Variants in MEGF8 observed in about 807,000 individuals in gnomAD.
MEGF8 encodes multiple EGF like domains 8, also known as multiple epidermal growth factor-like domains protein 8.
Under a neutral mutation model 302.9 loss-of-function variants are expected in MEGF8, and 156 were observed. The observed-to-expected ratio is 0.52, with a 90% confidence interval of 0.45 to 0.59. MEGF8 has a LOEUF of 0.59. Ranked by LOEUF, MEGF8 falls within the 20% of genes least tolerant of loss-of-function variation. The pLI is 0.00. For synonymous variants in MEGF8, 1,621 were observed against 1,660.5 expected, an observed-to-expected ratio of 0.98 and a Z score of 0.58; for missense variants, 3,345 against 3,964.5, an observed-to-expected ratio of 0.84 and a Z score of 4.20.
rs1174576269 is a variant in MEGF8 at position 42,360,794 on chromosome 19, C to T, written c.5508C>T (p.Pro1836=). ...CCTCAGGCTCGGCCTCTGTGGGGCC[C>T]CCAATGGAGGAGTCTGTGGCCCATG... The part of the protein sequence containing the change: ...PDLTRSASVG[P]PMEESVAHAV... Residue 1836 remains proline (P), a synonymous_variant, in exon 32 of 42, where the codon CCC becomes CCT. Transcript: ENST00000251268. 1 of 1,595,526 alleles carries T rather than the reference C, an allele frequency of 6.3e-7. No individual in the cohort carries two copies. The highest frequency in any genetic ancestry group is 1.8e-5 in the Admixed American group (1 of 56,408).
chr19:42,344,560 C>A lies in MEGF8; in HGVS notation c.1908C>A (p.His636Gln). Residue 636 changes from histidine to glutamine, a missense_variant, in exon 11 of 42, where the codon CAC (histidine) becomes CAA (glutamine). His to Gln is a conservative substitution (Grantham distance 24, BLOSUM62 0). Transcript: ENST00000251268. This position sits in a 1 kb window ranked among gnomAD's most constrained non-coding sequence, Gnocchi z 4.5. The stretch of plus-strand genomic sequence containing the variant: ...CTGGCACCCTGGGCTGGTGCGTGCA[C>A]AATGAGAGCTGCCTCCCTAGGCCTG... ...RGPGTLGWCV[H>Q]NESCLPRPEQ... 6.3e-7 allele frequency: 1 copy of A among 1,598,510 alleles called. No individual in the cohort carries two copies.
intron 1 of MEGF8, among the ~76,000 whole-genome samples, chr19:42,328,664 G>A (rs1362306982): frequency 6.6e-6 from 1 of 151,822 alleles, no homozygotes; most frequent in Non-Finnish European, 1.5e-5. Flanking sequence ...GGCCAGGTGC[G>A]GTGGCTCACG....
intron 35 of MEGF8, among the ~76,000 whole-genome samples, chr19:42,367,445 C>A (rs1337252630): frequency 1.3e-5 from 2 of 152,142 alleles, no homozygotes; most frequent in African/African-American, 2.4e-5. Flanking sequence ...CCCGCCACCA[C>A]GCCTGGCTAA....
At position 42,358,720 on chromosome 19, in the gene MEGF8, G is replaced by A; in HGVS notation, c.5176-67G>A. ...GTCCACACGTTTCCAAGCCCGTCTTGGAGGCAGGGGGCTAGAAGCAAGAGA... is the reference window on the plus strand; with the variant it reads ...GTCCACACGTTTCCAAGCCCGTCTTAGAGGCAGGGGGCTAGAAGCAAGAGA... On this transcript the variant is annotated intron_variant, in intron 29 of 41. Coordinates refer to ENST00000251268, the MANE Select transcript of MEGF8 (RefSeq NM_001271938.2). This position sits in a 1 kb window ranked among gnomAD's most constrained non-coding sequence, Gnocchi z 4.4. The A allele has an allele frequency of 6.9e-7, 1 of 1,454,612 alleles. No individual in the cohort carries two copies. The highest frequency in any genetic ancestry group is 1.4e-5 in the African/African-American group (1 of 69,880). 90.1% of individuals were successfully genotyped at this position (1,454,612 alleles called of 1,614,324 possible). A position where few individuals can be genotyped will look rare whatever the true frequency, so the allele number is the denominator to read the frequency against.
At chr19:42,328,590 G>GT (rs57025235) in intron 1 of MEGF8, among the ~76,000 whole-genome samples, 3 of 151,800 alleles carry the variant, frequency 2.0e-5, no homozygotes, top group South Asian at 2.1e-4. Context: ...GTGTGTGTGT[G>GT]GCGAAGGGGT....
intron 14 of MEGF8, 76 bp from the exon 15 acceptor site, chr19:42,350,072 C>G: frequency 1.6e-6 from 2 of 1,250,454 alleles, no homozygotes. Context: ...GCTCCAAACC[C>G]TTACTTTCAG....
chr19:42,372,069 C>A (rs1190761752), intron 41 of MEGF8, among the ~76,000 whole-genome samples: 36 of 140,228 alleles, frequency 2.6e-4, no homozygotes, highest in Middle Eastern at 3.7e-3. Context: ...ACAACAACAA[C>A]AACAAACACA....
rs376007307 is a variant in MEGF8 at position 42,369,659 on chromosome 19, G to A, written c.6770G>A (p.Arg2257His). The A allele has an allele frequency of 6.2e-6, 10 of 1,612,884 alleles. No homozygotes were observed. The Admixed American group carries it at 6.7e-5, about 11-fold the overall frequency. ...RNCSTECRCN[R>H]HSECAGVGAR... ...TGCTCCACGGAATGCCGCTGCAACC[G>A]CCACAGTGAATGCGCTGGTGTTGGG... The change falls in exon 38 of 42, where the codon CGC becomes CAC. Residue 2257 changes from arginine to histidine, a missense_variant. By Grantham distance (29) the Arg-to-His change is conservative. Coordinates refer to ENST00000251268, the MANE Select transcript of MEGF8 (RefSeq NM_001271938.2). The surrounding 1 kb of genome is among the most constrained non-coding windows in gnomAD (Gnocchi z 5.7).
intron 35 of MEGF8, 128 bp downstream of exon 35, chr19:42,363,390 C>A (rs1200595005): frequency 1.2e-6 from 1 of 816,810 alleles, no homozygotes; most frequent in Non-Finnish European, 1.9e-6. Flanking sequence ...GCTCTAGCTG[C>A]AGTCGTGCTT....
chr19:42,332,684 C>A (rs746409536), intron 1 of MEGF8, among the ~76,000 whole-genome samples: 1 of 152,206 alleles, frequency 6.6e-6, no homozygotes, highest in South Asian at 2.1e-4. Context: ...CTTTTCCTAT[C>A]ATGACAGCTG....
intron 41 of MEGF8, among the ~76,000 whole-genome samples, chr19:42,374,256 A>G (rs1175843260): frequency 1.3e-5 from 2 of 152,076 alleles, no homozygotes; most frequent in Non-Finnish European, 2.9e-5. Context: ...AGATCACTTA[A>G]GGTCAGGAGT....
At chr19:42,342,562 G>T (rs756842428) in intron 8 of MEGF8, among the ~76,000 whole-genome samples, 1 of 152,018 alleles carries the variant, frequency 6.6e-6, no homozygotes, top group Non-Finnish European at 1.5e-5. Flanking sequence ...GTGTGAACCC[G>T]GGAGACAGAG....
In MEGF8 at chr19:42,362,134, C is replaced by T. The variant is rs766493787; in HGVS notation, c.5765C>T (p.Pro1922Leu). The T allele has an allele frequency of 5.0e-6, 8 of 1,612,304 alleles. No individual in the cohort carries two copies. The highest frequency in any genetic ancestry group is 4.0e-5 in the African/African-American group (3 of 75,004). The change falls in exon 33 of 42, where the codon CCG (proline) becomes CTG (leucine). Residue 1922 changes from proline to leucine, a missense_variant. Pro to Leu is a moderately conservative substitution (Grantham distance 98). Transcript: ENST00000251268. ...CCCTGCTCCCCAATGCCTCGCTCCCCGGAGGAATGTCGACGTCTCCGGACC... is the reference window on the plus strand; with the variant it reads ...CCCTGCTCCCCAATGCCTCGCTCCCTGGAGGAATGTCGACGTCTCCGGACC... ...GSPCSPMPRS[P>L]EECRRLRTCS...
Position 42,357,620 on chromosome 19 carries a change from G to GA in MEGF8, c.5011+37dup, listed in dbSNP as rs2147487734. On this transcript the variant is annotated intron_variant, in intron 28 of 41. Coordinates refer to ENST00000251268, the MANE Select transcript of MEGF8 (RefSeq NM_001271938.2). This position sits in a 1 kb window ranked among gnomAD's most constrained non-coding sequence, Gnocchi z 5.2. ...GGACCGGGAGGGGACAGCCCCCGTG[G>GA]ACCTCCCGGGCATCTGGGCTTCCTG... 6.5e-7 allele frequency: 1 copy of GA among 1,538,712 alleles called. No homozygotes were observed. The highest frequency in any genetic ancestry group is 1.4e-5 in the African/African-American group (1 of 73,112).
intron 35 of MEGF8, among the ~76,000 whole-genome samples, chr19:42,363,642 T>G (rs980271258): frequency 5.3e-5 from 8 of 152,232 alleles, no homozygotes; most frequent in African/African-American, 1.9e-4. Flanking sequence ...TTAATGCTTC[T>G]TCCTTCAACC....
rs751377217 is a variant in MEGF8 at position 42,356,456 on chromosome 19, G to T, written c.4622+3G>T. The T allele has an allele frequency of 2.5e-6, 4 of 1,593,854 alleles. No individual in the cohort carries two copies. The African/African-American group carries it at 5.4e-5, about 21-fold the overall frequency. On this transcript the variant is annotated splice_donor_region_variant and intron_variant, in intron 26 of 41. Coordinates refer to ENST00000251268, the MANE Select transcript of MEGF8 (RefSeq NM_001271938.2). This position sits in a 1 kb window ranked among gnomAD's most constrained non-coding sequence, Gnocchi z 5.2. ...GGGCTGCTGGGAAACCTGTACAGGT[G>T]AGGACTGCCCTGGGCAGGTGGGATT...
chr19:42,358,021 G>A lies in MEGF8; in HGVS notation c.5012-123G>A. On this transcript the variant is annotated intron_variant, in intron 28 of 41. Coordinates refer to ENST00000251268, the MANE Select transcript of MEGF8 (RefSeq NM_001271938.2). This position sits in a 1 kb window ranked among gnomAD's most constrained non-coding sequence, Gnocchi z 4.4. ...AACTGAGAGGGACGGGTGGAGAGGGGCTCCCAGGCCTCCAGTCTCAGGGCC... is the reference window on the plus strand; with the variant it reads ...AACTGAGAGGGACGGGTGGAGAGGGACTCCCAGGCCTCCAGTCTCAGGGCC... 1.1e-6 allele frequency: 1 copy of A among 952,182 alleles called. No individual in the cohort carries two copies. The highest frequency in any genetic ancestry group is 1.5e-6 in the Non-Finnish European group (1 of 675,508). The allele number at this position is 952,182 out of a possible 1,614,324, so 59.0% of individuals were successfully genotyped here.
At position 42,344,010 on chromosome 19, in the gene MEGF8, G is replaced by C; in HGVS notation, c.1725G>C (p.Pro575=). The C allele has an allele frequency of 6.2e-7, 1 of 1,613,740 alleles. No homozygotes were observed. ...ACCACAGCGTCTGCTCCCGGGACCC[G>C]GAATGCAGTTGGTGCCAAGGAGCCT... ...YTDHSVCSRD[P]ECSWCQGACQ... The change falls in exon 10 of 42, where the codon CCG becomes CCC. Residue 575 remains proline (P), a synonymous_variant. Transcript: ENST00000251268. This position sits in a 1 kb window ranked among gnomAD's most constrained non-coding sequence, Gnocchi z 4.5.
In MEGF8 at chr19:42,354,622, G is replaced by A. The variant is rs772858157; in HGVS notation, c.4046G>A (p.Arg1349His). ...GTCCTGGCGTTTGATGGATTCCCAC[G>A]CTTCCTGGACACTGGTGTTGTCCAG... ...SYVLAFDGFP[R>H]FLDTGVVQSD... Residue 1349 changes from arginine (R) to histidine (H), a missense_variant, in exon 23 of 42, where the codon CGC becomes CAC. Transcript: ENST00000251268. The surrounding 1 kb of genome is among the most constrained non-coding windows in gnomAD (Gnocchi z 4.3). 12 of 1,612,792 alleles carry A rather than the reference G, an allele frequency of 7.4e-6. No individual in the cohort carries two copies. Among genetic ancestry groups the A allele is most frequent in the East Asian group, 4.5e-5 (2 of 44,888 alleles).
Sources: gnomAD v4.1 joint callset for allele counts (sites outside exome capture counted in the v4.1 genomes callset) on GRCh38, gnomAD v4.1.1 for gene constraint, Gnocchi (gnomAD v3.1) non-coding constraint, MANE v1.5 for transcripts, NCBI Gene and HGNC (gene_info 2026-07-23, HGNC 2026-07-21) for gene names.